Variants in RTN4RL1 observed in about 807,000 individuals in gnomAD.
RTN4RL1 encodes reticulon-4 receptor-like 1.
Under a neutral mutation model 25.6 loss-of-function variants are expected in RTN4RL1, and 7 were observed. The observed-to-expected ratio is 0.27, with a 90% CI of 0.16 to 0.51. The LOEUF is 0.51. RTN4RL1 is among the 20% of genes least tolerant of loss of function. RTN4RL1 has a pLI of 0.97. For synonymous variants in RTN4RL1, 297 were observed against 288.2 expected (o/e 1.03, Z -0.31); for missense variants, 500 against 615.6 (o/e 0.81, Z 1.99).
rs188319300 is a variant in RTN4RL1 at position 1,951,744 on chromosome 17, C to T, written c.14-13936G>A. ...CTGGGATTACAGGCGTGAGCCACCG[C>T]GCCCGGCCCGAAGCCACAAAGTTTT... On this transcript the variant is annotated intron_variant, in intron 1 of 1. Transcript: ENST00000331238. 2.8e-4 allele frequency among the ~76,000 whole-genome samples: 43 copies of T among 151,868 alleles called. 1 individual carries two copies. The highest frequency in any genetic ancestry group is 6.8e-4 in the African/African-American group (28 of 41,418).
At chr17:1,974,381 ACT>A (rs2066833730) in intron 1 of RTN4RL1, among the ~76,000 whole-genome samples, 1 of 152,216 alleles carries the variant, frequency 6.6e-6, no homozygotes, top group South Asian at 2.1e-4. Flanking sequence ...ACAGAGCAAG[ACT>A]CTATCTCAAA....
rs561190625 is a variant in RTN4RL1 at position 1,952,502 on chromosome 17, C to T, written c.14-14694G>A. On this transcript the variant is annotated intron_variant, in intron 1 of 1. Transcript: ENST00000331238. ...CGAATGCAGGCATCCACCACCACGCCCGGCTAATTTTTTCATATTTTTAGT... is the reference window on the plus strand; with the variant it reads ...CGAATGCAGGCATCCACCACCACGCTCGGCTAATTTTTTCATATTTTTAGT... Among the ~76,000 whole-genome samples the T allele has an allele frequency of 1.3e-3, 197 of 151,848 alleles. 2 individuals are homozygous for T. Among genetic ancestry groups the T allele is most frequent in the African/African-American group, 4.6e-3 (191 of 41,430 alleles).
At chr17:2,015,907 G>C (rs1018730001) in intron 1 of RTN4RL1, among the ~76,000 whole-genome samples, 4 of 152,152 alleles carry the variant, frequency 2.6e-5, no homozygotes, top group African/African-American at 9.7e-5. Context: ...ACACCCAGTG[G>C]CTTCCTATAT....
At chr17:1,997,774 CGGAGGTCAG>C (rs1259572908) in intron 1 of RTN4RL1, among the ~76,000 whole-genome samples, 4 of 152,238 alleles carry the variant, frequency 2.6e-5, no homozygotes, top group African/African-American at 9.6e-5. Flanking sequence ...CACTAGGACT[CGGAGGTCAG>C]GCCTGAGCCG....
chr17:2,017,302 C>T (rs1020982369), intron 1 of RTN4RL1, among the ~76,000 whole-genome samples: 10 of 152,218 alleles, frequency 6.6e-5, no homozygotes, highest in East Asian at 1.9e-4. Flanking sequence ...GTAGTTGTCA[C>T]CATGATGCCA....
chr17:1,942,303 A>G (rs1323328234), intron 1 of RTN4RL1, among the ~76,000 whole-genome samples: 1 of 149,952 alleles, frequency 6.7e-6, no homozygotes, highest in East Asian at 2.0e-4. Flanking sequence ...TCCATTCAAC[A>G]CTTGCTGCCT....
At chr17:1,967,395 C>A (rs2066796555) in intron 1 of RTN4RL1, among the ~76,000 whole-genome samples, 1 of 152,176 alleles carries the variant, frequency 6.6e-6, no homozygotes, top group African/African-American at 2.4e-5. Flanking sequence ...CCCCCGCTAC[C>A]CACCACGCCT....
chr17:1,978,450 C>T (rs953581758), intron 1 of RTN4RL1, among the ~76,000 whole-genome samples: 2 of 152,236 alleles, frequency 1.3e-5, no homozygotes, highest in African/African-American at 4.8e-5. Context: ...GCTTGGCCGA[C>T]CGTCCGCAAC....
At chr17:1,976,550 C>T (rs2066843500) in intron 1 of RTN4RL1, among the ~76,000 whole-genome samples, 1 of 152,224 alleles carries the variant, frequency 6.6e-6, no homozygotes, top group Non-Finnish European at 1.5e-5. Flanking sequence ...TGACTTTGGG[C>T]AGGTGGATTG....
intron 1 of RTN4RL1, among the ~76,000 whole-genome samples, chr17:1,961,777 A>AAAAAAAAG: frequency 9.1e-6 from 1 of 109,928 alleles, no homozygotes; most frequent in South Asian, 2.8e-4. Context: ...AAAATACAAA[A>AAAAAAAAG]AAAAAAAAAA....
chr17:1,982,722 G>A (rs572329738), intron 1 of RTN4RL1, among the ~76,000 whole-genome samples: 1 of 152,364 alleles, frequency 6.6e-6, no homozygotes, highest in Non-Finnish European at 1.5e-5. Context: ...CTCCTGCATG[G>A]AGGTGGACCG....
At chr17:1,967,876 G>T (rs1368422191) in intron 1 of RTN4RL1, among the ~76,000 whole-genome samples, 1 of 152,074 alleles carries the variant, frequency 6.6e-6, no homozygotes, top group Non-Finnish European at 1.5e-5. Flanking sequence ...CCTGACCTCA[G>T]GTGATCCACT....
At chr17:1,967,702 C>T (rs2066798427) in intron 1 of RTN4RL1, among the ~76,000 whole-genome samples, 1 of 151,990 alleles carries the variant, frequency 6.6e-6, no homozygotes, top group Non-Finnish European at 1.5e-5. Flanking sequence ...TGCAATGGCG[C>T]CATCTCAGCT....
Position 1,936,656 on chromosome 17 carries a change from C to CTGAACT in RTN4RL1, c.1160_1165dup (p.Lys387_Phe388dup). On this transcript the variant is annotated inframe_insertion, in exon 2 of 2. Coordinates refer to ENST00000331238, the MANE Select transcript of RTN4RL1 (RefSeq NM_178568.4). Reference sequence around the variant, plus strand: ...CCGGGCCGTAGGCATGATGTCAAAACTGAACTTGTGCTGGTAGTCTGGGGC... The same window carrying CTGAACT: ...CCGGGCCGTAGGCATGATGTCAAAACTGAACTTGAACTTGTGCTGGTAGTCTGGGGC... The CTGAACT allele has an allele frequency of 1.9e-6, 3 of 1,591,048 alleles. No individual in the cohort carries two copies.
intron 1 of RTN4RL1, among the ~76,000 whole-genome samples, chr17:2,007,332 G>T (rs913656025): frequency 2.5e-5 from 2 of 78,632 alleles, no homozygotes; most frequent in Non-Finnish European, 4.5e-5. Context: ...CATGTTCACA[G>T]CCCCAACACA....
Position 1,937,029 on chromosome 17 carries a change from A to AGC in RTN4RL1, c.791_792dup (p.Ser265AlafsTer30). On this transcript the variant is annotated frameshift_variant, in exon 2 of 2. Transcript: ENST00000331238. LOFTEE classifies it high-confidence loss of function. ...AACCTCTGCAGCCATTCCCACAGGGAGCGCGCGCGACAACCACAGTCCCAG... is the reference window on the plus strand; with the variant it reads ...AACCTCTGCAGCCATTCCCACAGGGAGCGCGCGCGCGACAACCACAGTCCCAG... The AGC allele has an allele frequency of 6.2e-7, 1 of 1,604,168 alleles. No individual in the cohort carries two copies.
intron 1 of RTN4RL1, among the ~76,000 whole-genome samples, chr17:1,961,722 GT>G (rs1486394730): frequency 7.3e-6 from 1 of 136,694 alleles, no homozygotes; most frequent in African/African-American, 2.7e-5. Flanking sequence ...GAGGTCAGGA[GT>G]TCAAGACCAG....
At chr17:1,967,545 T>C (rs2066797441) in intron 1 of RTN4RL1, among the ~76,000 whole-genome samples, 1 of 147,684 alleles carries the variant, frequency 6.8e-6, no homozygotes, top group African/African-American at 2.5e-5. Flanking sequence ...CTCCCTGGCC[T>C]CTCCCTCTTC....
chr17:2,006,681 C>G (rs1419720910), intron 1 of RTN4RL1, among the ~76,000 whole-genome samples: 1 of 152,220 alleles, frequency 6.6e-6, no homozygotes, highest in Non-Finnish European at 1.5e-5. Context: ...AGTGCAGTCG[C>G]ACGATCTCAG....
Sources: allele counts gnomAD v4.1 joint callset (sites outside exome capture counted in the v4.1 genomes callset), GRCh38; gene constraint gnomAD v4.1.1; transcripts MANE v1.5; gene names NCBI Gene and HGNC (gene_info 2026-07-23, HGNC 2026-07-21).